The following QPRT variants were observed in gnomAD, a reference collection of about 807,000 sequenced individuals.
QPRT encodes the protein quinolinate phosphoribosyltransferase.
Under a neutral mutation model 19.8 loss-of-function variants are expected in QPRT, and 17 were observed. The ratio of observed to expected loss-of-function variants is 0.86; its 90% CI spans 0.59 to 1.29. The LOEUF is 1.29. Among genes scored for constraint, QPRT ranks in the 50% most tolerant of loss-of-function variants. The pLI is 0.00. For synonymous variants in QPRT, 178 were observed against 191.0 expected, an observed-to-expected ratio of 0.93 and a Z score of 0.56; for missense variants, 336 against 405.1, an observed-to-expected ratio of 0.83 and a Z score of 1.46.
At chr16:29,679,814 G>A (rs1966938441) in intron 1 of QPRT, among the ~76,000 whole-genome samples, 1 of 152,154 alleles carries the variant, frequency 6.6e-6, no homozygotes, top group Non-Finnish European at 1.5e-5. Context: ...AATTTATTGA[G>A]TACAATCTTT....
chr16:29,681,166 G>C lies in QPRT; in HGVS notation c.13+1956G>C, dbSNP rs571657484. ...TGTCTTTCTCTTTTGAAACAACGCCGACCTGGATGTGAATCCTGACTGCCA... is the reference window on the plus strand; with the variant it reads ...TGTCTTTCTCTTTTGAAACAACGCCCACCTGGATGTGAATCCTGACTGCCA... On this transcript the variant is annotated intron_variant, in intron 1 of 3. Coordinates refer to ENST00000395384, the MANE Select transcript of QPRT (RefSeq NM_014298.6). 6.4e-4 allele frequency among the ~76,000 whole-genome samples: 97 copies of C among 152,104 alleles called. 1 individual carries two copies. Among genetic ancestry groups the C allele is most frequent in the Non-Finnish European group, 9.0e-4 (61 of 68,000 alleles).
rs138448092 is a variant in QPRT, at chr16:29,692,389, G to T, written c.14-2275G>T. 6.0e-3 allele frequency among the ~76,000 whole-genome samples: 916 copies of T among 152,052 alleles called. 5 individuals carry two copies. The highest frequency in any genetic ancestry group is 0.014 in the Middle Eastern group (4 of 294). On this transcript the variant is annotated intron_variant, in intron 1 of 3. Coordinates refer to ENST00000395384, the MANE Select transcript of QPRT (RefSeq NM_014298.6). ...AAGTCAGGAGATTGAGACCATCCCA[G>T]CTAACACGGTGAAACCCCGTCTCTA... is the stretch of plus-strand genomic sequence containing the variant.
chr16:29,679,470 G>A (rs987104137), intron 1 of QPRT, among the ~76,000 whole-genome samples: 8 of 152,174 alleles, frequency 5.3e-5, no homozygotes, highest in African/African-American at 1.9e-4. Flanking sequence ...GAAAAGGGCA[G>A]GGTGGCCTGG....
intron 1 of QPRT, among the ~76,000 whole-genome samples, chr16:29,681,288 G>A (rs996982003): frequency 6.6e-6 from 1 of 152,054 alleles, no homozygotes; most frequent in African/African-American, 2.4e-5. Context: ...TCACGGGGTT[G>A]TAATGAAGAT....
chr16:29,679,792 T>C (rs1966937664), intron 1 of QPRT, among the ~76,000 whole-genome samples: 1 of 152,082 alleles, frequency 6.6e-6, no homozygotes, highest in Admixed American at 6.6e-5. Context: ...TGCAGAGCCC[T>C]GGTTGCCTGA....
intron 1 of QPRT, among the ~76,000 whole-genome samples, chr16:29,684,256 A>T (rs1445686126): frequency 6.6e-6 from 1 of 152,048 alleles, no homozygotes; most frequent in Non-Finnish European, 1.5e-5. Context: ...AGTAGCTGGG[A>T]CTACAGGCGT....
Position 29,697,015 on chromosome 16 carries a change from A to C in QPRT, c.569A>C (p.Gln190Pro), listed in dbSNP as rs757470375. 1 of 1,607,898 alleles carries C rather than the reference A, an allele frequency of 6.2e-7. No homozygotes were observed. ...CAGCAGGCGGTGCGGGCGGCCAGAC[A>C]GGCGGCTGACTTCACTCTGAAGGTG... The part of the protein sequence containing the change: ...GVEKAVRAAR[Q>P]AADFTLKVEV... The change falls in exon 3 of 4, where the codon CAG becomes CCG. Residue 190 changes from glutamine (Q) to proline (P), a missense_variant. By Grantham distance (76) the Gln-to-Pro change is moderately conservative. Coordinates refer to ENST00000395384, the MANE Select transcript of QPRT (RefSeq NM_014298.6). The surrounding 1 kb of genome is among the most constrained non-coding windows in gnomAD (Gnocchi z 4.4).
intron 1 of QPRT, among the ~76,000 whole-genome samples, chr16:29,684,440 C>A (rs777686163): frequency 1.3e-5 from 2 of 152,134 alleles, no homozygotes; most frequent in Non-Finnish European, 2.9e-5. Flanking sequence ...GGATCACAGG[C>A]GCCCACCACC....
chr16:29,683,250 C>T (rs983346534), intron 1 of QPRT, among the ~76,000 whole-genome samples: 24 of 151,800 alleles, frequency 1.6e-4, no homozygotes, highest in Non-Finnish European at 3.2e-4. Context: ...TGGTCTCGAA[C>T]TCCTGACCTA....
chr16:29,690,035 G>C (rs928202609), intron 1 of QPRT, among the ~76,000 whole-genome samples: 2 of 152,126 alleles, frequency 1.3e-5, no homozygotes, highest in South Asian at 4.2e-4. Flanking sequence ...CCAAACTTCC[G>C]CCCTCCAATA....
chr16:29,689,628 G>A lies in QPRT; in HGVS notation c.14-5036G>A, dbSNP rs375111853. Among the ~76,000 whole-genome samples the A allele has an allele frequency of 4.6e-4, 70 of 152,166 alleles. 8 individuals carry two copies. The highest frequency in any genetic ancestry group is 1.0e-3 in the Admixed American group (16 of 15,244). ...TAGCCTGGTGCCTAGGAACCAGACC[G>A]GAAACCAAGGAACCAGACCCGAAAT... On this transcript the variant is annotated intron_variant, in intron 1 of 3. Transcript: ENST00000395384.
At position 29,681,245 on chromosome 16, in the gene QPRT, C is replaced by T. The variant is rs748188182; in HGVS notation, c.13+2035C>T. On this transcript the variant is annotated intron_variant, in intron 1 of 3. Transcript: ENST00000395384. ...TTTGTAACCTGTAGAAGCCCGTTTC[C>T]ACATCTGGACAATGGAGTTGGTGGC... Among the ~76,000 whole-genome samples, 90 of 152,170 alleles carry T rather than the reference C, an allele frequency of 5.9e-4. 1 individual carries two copies. In the Middle Eastern group the frequency reaches 0.01, roughly 17 times the overall value.
In QPRT at chr16:29,695,117, G is replaced by C; in HGVS notation, c.467G>C (p.Gly156Ala). ...GAGAAGTATGGGCTCCTGGTGGGCG[G>C]GGCCGCCTCGCACCGCTACGACCTG... is the stretch of plus-strand genomic sequence containing the variant. ...LVEKYGLLVG[G>A]AASHRYDLGG... Residue 156 changes from glycine (G) to alanine (A), a missense_variant, in exon 2 of 4, where the codon GGG becomes GCG. Transcript: ENST00000395384. 6.3e-7 allele frequency: 1 copy of C among 1,595,710 alleles called. No homozygotes were observed. Among genetic ancestry groups the C allele is most frequent in the Non-Finnish European group, 8.5e-7 (1 of 1,172,624 alleles).
intron 1 of QPRT, 75 bp from the exon 2 acceptor site, chr16:29,694,589 G>A (rs1280653677): frequency 2.8e-5 from 40 of 1,448,262 alleles, no homozygotes; most frequent in Non-Finnish European, 3.6e-5. Context: ...TTCACTGGTT[G>A]TTAAATATTT....
chr16:29,691,341 G>T (rs1596793988), intron 1 of QPRT, among the ~76,000 whole-genome samples: 1 of 127,248 alleles, frequency 7.9e-6, no homozygotes, highest in African/African-American at 3.3e-5. Flanking sequence ...CTCCAGCCTG[G>T]GCAAAAGAGT....
At chr16:29,687,478 T>C (rs1967196602) in intron 1 of QPRT, among the ~76,000 whole-genome samples, 1 of 152,198 alleles carries the variant, frequency 6.6e-6, no homozygotes, top group Admixed American at 6.5e-5. Flanking sequence ...CACTTGTCAC[T>C]AAGTGATTGT....
At chr16:29,691,226 G>A (rs1351625002) in intron 1 of QPRT, among the ~76,000 whole-genome samples, 1 of 151,358 alleles carries the variant, frequency 6.6e-6, no homozygotes, top group African/African-American at 2.4e-5. Flanking sequence ...TTAGCTGGGC[G>A]TGGTGGCGGG....
chr16:29,692,014 T>C (rs568059210), intron 1 of QPRT, among the ~76,000 whole-genome samples: 1 of 152,288 alleles, frequency 6.6e-6, no homozygotes, highest in East Asian at 1.9e-4. Flanking sequence ...TGCGCGTGCT[T>C]GTGCGTGTGC....
chr16:29,691,225 C>T (rs1176172069), intron 1 of QPRT, among the ~76,000 whole-genome samples: 3 of 151,262 alleles, frequency 2.0e-5, no homozygotes, highest in Non-Finnish European at 2.9e-5. Flanking sequence ...ATTAGCTGGG[C>T]GTGGTGGCGG....
Sources: gnomAD v4.1 joint callset for allele counts (sites outside exome capture counted in the v4.1 genomes callset) on GRCh38, gnomAD v4.1.1 for gene constraint, Gnocchi (gnomAD v3.1) non-coding constraint, MANE v1.5 for transcripts, NCBI Gene and HGNC (gene_info 2026-07-23, HGNC 2026-07-21) for gene names.